The following LRP1B variants were observed in gnomAD, a reference collection of about 807,000 sequenced individuals.
The protein encoded by LRP1B is low-density lipoprotein receptor-related protein 1B.
In LRP1B, 217 loss-of-function variants were observed where a neutral mutation model predicts 556.6. The observed-to-expected ratio is 0.39, with a 90% CI of 0.35 to 0.44. The LOEUF is 0.44. Among genes scored for constraint, LRP1B ranks in the 20% least tolerant of loss-of-function variants. The probability of loss-of-function intolerance (pLI) is 1.00; values close to 1 mark genes in which losing one functional copy is unlikely to be tolerated. For missense variants in LRP1B, 5,053 were observed against 5,620.8 expected (o/e 0.90, Z 3.23); for synonymous variants, 2,047 against 1,865.8 (o/e 1.10, Z -2.50).
At chr2:140,955,560 T>G (rs1695848103) in intron 18 of LRP1B, among the ~76,000 whole-genome samples, 2 of 151,816 alleles carry the variant, frequency 1.3e-5, no homozygotes, top group South Asian at 4.1e-4. Flanking sequence ...GAAAACTATA[T>G]TTTATCTTGG....
intron 7 of LRP1B, among the ~76,000 whole-genome samples, chr2:141,137,621 A>T (rs1701522940): frequency 6.6e-6 from 1 of 152,002 alleles, no homozygotes; most frequent in South Asian, 2.1e-4. Flanking sequence ...TTGTATTGTG[A>T]ATAATATTGC....
At chr2:141,668,392 C>A (rs1330085106) in intron 2 of LRP1B, among the ~76,000 whole-genome samples, 2 of 152,106 alleles carry the variant, frequency 1.3e-5, no homozygotes, top group Non-Finnish European at 2.9e-5. Context: ...CAAATGTTGC[C>A]TTTTGGCCCA....
At chr2:142,086,211 A>C (rs553219547) in intron 1 of LRP1B, among the ~76,000 whole-genome samples, 3 of 152,308 alleles carry the variant, frequency 2.0e-5, no homozygotes, top group Admixed American at 2.0e-4. Context: ...AACATATCTC[A>C]AAAAGAGGCA....
At chr2:140,676,857 G>A (rs1159125434) in intron 41 of LRP1B, among the ~76,000 whole-genome samples, 1 of 152,140 alleles carries the variant, frequency 6.6e-6, no homozygotes, top group Non-Finnish European at 1.5e-5. Context: ...AATATTTATT[G>A]TGTACCTATT....
intron 1 of LRP1B, among the ~76,000 whole-genome samples, chr2:141,835,618 T>C (rs936879913): frequency 2.0e-5 from 3 of 151,962 alleles, no homozygotes; most frequent in Non-Finnish European, 1.5e-5. Context: ...ATTTATGGTA[T>C]AGGGATTAAA....
chr2:142,117,261 G>A (rs1259060369), intron 1 of LRP1B, among the ~76,000 whole-genome samples: 5 of 152,250 alleles, frequency 3.3e-5, no homozygotes, highest in African/African-American at 1.2e-4. Context: ...GGTCATTAAT[G>A]ATTTTCTCTG....
intron 41 of LRP1B, among the ~76,000 whole-genome samples, chr2:140,663,715 G>A (rs972176171): frequency 1.1e-4 from 17 of 152,050 alleles, no homozygotes; most frequent in African/African-American, 2.2e-4. Flanking sequence ...CTTATCATTC[G>A]TGTGTTCACT....
At chr2:140,546,025 T>C (rs138409400) in intron 43 of LRP1B, among the ~76,000 whole-genome samples, 175 of 151,714 alleles carry the variant, frequency 1.2e-3, no homozygotes, top group African/African-American at 4.1e-3. Context: ...TGTGTGTGTG[T>C]GTGTGTGTGT....
rs549896266 is a variant in LRP1B at position 142,060,927 on chromosome 2, G to A, written c.82+69721C>T. On this transcript the variant is annotated intron_variant, in intron 1 of 90. Transcript: ENST00000389484. Reference sequence around the variant, plus strand: ...GTATGTCCTAATGCACTGACAATTAGAGTTCATAGATGACCAGGGAGGTGC... The same window carrying A: ...GTATGTCCTAATGCACTGACAATTAAAGTTCATAGATGACCAGGGAGGTGC... Among the ~76,000 whole-genome samples the A allele has an allele frequency of 2.6e-5, 4 of 152,078 alleles. No individual in the cohort carries two copies. The East Asian group carries it at 7.8e-4, about 30-fold the overall frequency.
chr2:141,853,023 A>C (rs546427443), intron 1 of LRP1B, among the ~76,000 whole-genome samples: 1 of 151,934 alleles, frequency 6.6e-6, no homozygotes, highest in African/African-American at 2.4e-5. Flanking sequence ...AACAATATCT[A>C]TAGGCTGCTT....
At chr2:141,944,725 T>TA (rs891134386) in intron 1 of LRP1B, among the ~76,000 whole-genome samples, 1 of 152,096 alleles carries the variant, frequency 6.6e-6, no homozygotes, top group Non-Finnish European at 1.5e-5. Flanking sequence ...TGACCAGGAC[T>TA]AAAAAATGAG....
intron 62 of LRP1B, among the ~76,000 whole-genome samples, chr2:140,454,449 G>A (rs1185600774): frequency 6.6e-6 from 1 of 151,972 alleles, no homozygotes; most frequent in Non-Finnish European, 1.5e-5. Context: ...CCGGGCCTGG[G>A]CAATTAACTT....
intron 84 of LRP1B, among the ~76,000 whole-genome samples, chr2:140,275,800 C>A (rs559578780): frequency 2.0e-5 from 3 of 151,902 alleles, no homozygotes; most frequent in Non-Finnish European, 2.9e-5. Context: ...TCTCATTGAG[C>A]GTCACAGACG....
At chr2:141,407,959 G>T (rs1175798931) in intron 3 of LRP1B, among the ~76,000 whole-genome samples, 1 of 151,964 alleles carries the variant, frequency 6.6e-6, no homozygotes, top group East Asian at 1.9e-4. Context: ...CAGAGTAATG[G>T]CAGAATATAA....
chr2:140,269,637 T>A (rs1377832160), intron 86 of LRP1B, among the ~76,000 whole-genome samples: 1 of 151,916 alleles, frequency 6.6e-6, no homozygotes, highest in Non-Finnish European at 1.5e-5. Flanking sequence ...GTAATCTGAA[T>A]AATTTTATTT....
At chr2:140,370,638 A>G in intron 71 of LRP1B, 72 bp downstream of exon 71, 5 of 1,563,446 alleles carry the variant, frequency 3.2e-6, no homozygotes. Context: ...TCTAGCATAC[A>G]CTGTATATTC....
intron 1 of LRP1B, among the ~76,000 whole-genome samples, chr2:142,092,352 T>G (rs1199105658): frequency 6.6e-6 from 1 of 152,158 alleles, no homozygotes; most frequent in East Asian, 1.9e-4. Context: ...TTTTTTGGCA[T>G]ATTAGTATTT....
intron 43 of LRP1B, among the ~76,000 whole-genome samples, chr2:140,560,861 G>A (rs1043733795): frequency 1.3e-5 from 2 of 152,144 alleles, no homozygotes; most frequent in Non-Finnish European, 2.9e-5. Flanking sequence ...GCAATTACAT[G>A]AGGAAAAGGT....
At chr2:141,050,448 T>A (rs1699003303) in intron 10 of LRP1B, among the ~76,000 whole-genome samples, 1 of 151,832 alleles carries the variant, frequency 6.6e-6, no homozygotes. Context: ...GTCATCTAGG[T>A]TTTAAGCCCC....
Sources: allele counts gnomAD v4.1 joint callset (sites outside exome capture counted in the v4.1 genomes callset), GRCh38; gene constraint gnomAD v4.1.1; transcripts MANE v1.5; gene names NCBI Gene and HGNC (gene_info 2026-07-23, HGNC 2026-07-21).